The following TSPAN4 variants were observed in gnomAD, a reference collection of about 807,000 sequenced individuals.
TSPAN4 encodes the protein tetraspanin-4.
TSPAN4 carries 38 observed loss-of-function variants against 31.5 expected under a neutral mutation model. The observed-to-expected ratio is 1.21, with a 90% CI of 0.93 to 1.58. TSPAN4 has a LOEUF of 1.58. Among genes scored for constraint, TSPAN4 ranks in the 40% most tolerant of loss-of-function variants. The pLI is 0.00. For missense variants in TSPAN4, 330 were observed against 317.3 expected (o/e 1.04, Z -0.30); for synonymous variants, 186 against 144.6 (o/e 1.29, Z -2.06).
chr11:862,298 C>T, intron 3 of TSPAN4: 1 of 535,622 alleles, frequency 1.9e-6, no homozygotes, highest in Non-Finnish European at 3.3e-6. Flanking sequence ...TTCAGAGGCA[C>T]AAGGGAGCCT....
Position 865,358 on chromosome 11 carries a change from T to A in TSPAN4, c.331-155T>A. ...GGGCCTCAGGGCTGCTGGGAGGACA[T>A]GGGGCCGGTGTGTCTGCAGCTTGGT... On this transcript the variant is annotated intron_variant, in intron 5 of 8. Coordinates refer to ENST00000397397, the MANE Select transcript of TSPAN4 (RefSeq NM_003271.5). 4 of 625,836 alleles carry A rather than the reference T, an allele frequency of 6.4e-6. No individual in the cohort carries two copies. In the South Asian group the frequency reaches 7.8e-5, roughly 12 times the overall value. The allele number at this position is 625,836 out of a possible 1,614,324, so 38.8% of individuals were successfully genotyped here.
intron 3 of TSPAN4, among the ~76,000 whole-genome samples, chr11:860,135 GGA>G (rs2134046187): frequency 6.6e-6 from 1 of 152,340 alleles, no homozygotes; most frequent in Non-Finnish European, 1.5e-5. Context: ...AACTTTAAGC[GGA>G]GATGCTACCT....
intron 3 of TSPAN4, among the ~76,000 whole-genome samples, chr11:850,834 G>C (rs1847646447): frequency 1.3e-5 from 2 of 152,242 alleles, no homozygotes; most frequent in Non-Finnish European, 2.9e-5. Context: ...GCGACCTGTC[G>C]GGCCCAGGGA....
Position 865,616 on chromosome 11 carries a change from T to G in TSPAN4, c.432+2T>G. On this transcript the variant is annotated splice_donor_variant, in intron 6 of 8. Transcript: ENST00000397397. LOFTEE classifies it high-confidence loss of function. ...GCCTGGAGCATCATCCAGACCGACGTGAGGCGTGGGCAGGTGGGCGGGGTC... is the reference window on the plus strand; with the variant it reads ...GCCTGGAGCATCATCCAGACCGACGGGAGGCGTGGGCAGGTGGGCGGGGTC... The G allele has an allele frequency of 8.1e-6, 13 of 1,612,842 alleles. No individual in the cohort carries two copies. Among genetic ancestry groups the G allele is most frequent in the Non-Finnish European group, 1.1e-5 (13 of 1,179,858 alleles).
chr11:864,614 G>A, intron 5 of TSPAN4, 103 bp downstream of exon 5: 1 of 1,462,978 alleles, frequency 6.8e-7, no homozygotes, highest in Non-Finnish European at 9.5e-7. Flanking sequence ...CCCTGCATGT[G>A]CCCTCACGGG....
chr11:862,392 C>A, intron 3 of TSPAN4, 158 bp from the exon 4 acceptor site: 1 of 648,102 alleles, frequency 1.5e-6, no homozygotes, highest in East Asian at 2.9e-5. Context: ...CCTGGACACC[C>A]CCCCGGGCTG....
rs143659084 is a variant in TSPAN4, at chr11:862,615, G to A, written c.129G>A (p.Thr43=). Reference sequence around the variant, plus strand: ...CCGCCACACAGGGGAGCTTCGCCACGCTGTCCTCTTCCTTCCCGTCCCTGT... The same window carrying A: ...CCGCCACACAGGGGAGCTTCGCCACACTGTCCTCTTCCTTCCCGTCCCTGT... ...WLAATQGSFA[T]LSSSFPSLSA... Residue 43 remains threonine (T), a synonymous_variant, in exon 4 of 9, where the codon ACG becomes ACA. Transcript: ENST00000397397. The A allele has an allele frequency of 5.6e-5, 90 of 1,613,128 alleles. No individual in the cohort carries two copies. In the African/African-American group the frequency reaches 8.0e-4, roughly 14 times the overall value.
At position 848,770 on chromosome 11, in the gene TSPAN4, A is replaced by G. The variant is rs1399970755; in HGVS notation, c.-18+1470A>G. 1 of 533,826 alleles carries G rather than the reference A, an allele frequency of 1.9e-6. No homozygotes were observed. Among genetic ancestry groups the G allele is most frequent in the Non-Finnish European group, 3.4e-6 (1 of 295,264 alleles). The allele number at this position is 533,826 out of a possible 1,614,324, so 33.1% of individuals were successfully genotyped here. A position where few individuals can be genotyped will look rare whatever the true frequency, so the allele number is the denominator to read the frequency against. On this transcript the variant is annotated intron_variant, in intron 2 of 8. Coordinates refer to ENST00000397397, the MANE Select transcript of TSPAN4 (RefSeq NM_003271.5). This position sits in a 1 kb window ranked among gnomAD's most constrained non-coding sequence, Gnocchi z 5.7. Reference sequence around the variant, plus strand: ...GGCCACGTGCTGATATCTTCCCAACACCGCAGGGCCCTTGTGCCCTGTGGT... The same window carrying G: ...GGCCACGTGCTGATATCTTCCCAACGCCGCAGGGCCCTTGTGCCCTGTGGT...
rs1323616195 is a variant in TSPAN4 at position 848,888 on chromosome 11, G to A, written c.-17-1400G>A. ...GGCTGTGGGAGGTGTGTGCGCATCC[G>A]GCGTGATGACACCCAGGAGTGCAGG... On this transcript the variant is annotated intron_variant, in intron 2 of 8. Transcript: ENST00000397397. The surrounding 1 kb of genome is among the most constrained non-coding windows in gnomAD (Gnocchi z 5.7). The A allele has an allele frequency of 5.2e-5, 37 of 712,374 alleles. No homozygotes were observed. The highest frequency in any genetic ancestry group is 1.6e-4 in the East Asian group (6 of 37,048). 44.1% of individuals were successfully genotyped at this position (712,374 alleles called of 1,614,324 possible).
At chr11:859,090 TCA>T (rs1362189297) in intron 3 of TSPAN4, among the ~76,000 whole-genome samples, 3 of 78,174 alleles carry the variant, frequency 3.8e-5, no homozygotes, top group Non-Finnish European at 7.4e-5. Flanking sequence ...GCACCCCGGC[TCA>T]CACGCACCCC....
intron 4 of TSPAN4, chr11:863,037 GCA>G (rs1848559881): frequency 2.8e-6 from 1 of 356,088 alleles, no homozygotes; most frequent in Non-Finnish European, 5.1e-6. Flanking sequence ...GCACAGCCCC[GCA>G]CACACGTACA....
chr11:852,960 C>A (rs780041760), intron 3 of TSPAN4, among the ~76,000 whole-genome samples: 7 of 152,140 alleles, frequency 4.6e-5, no homozygotes, highest in Non-Finnish European at 8.8e-5. Flanking sequence ...CCCCAGTGGG[C>A]AGCCAGTGAC....
At chr11:850,432 G>A in intron 3 of TSPAN4, 65 bp downstream of exon 3, 1 of 1,444,698 alleles carries the variant, frequency 6.9e-7, no homozygotes, top group South Asian at 1.2e-5. Context: ...GCGGGTCGCG[G>A]GGTCTGGGGA....
At position 862,688 on chromosome 11, in the gene TSPAN4, G is replaced by A. The variant is rs200112115; in HGVS notation, c.202G>A (p.Gly68Ser). The change falls in exon 4 of 9, where the codon GGC becomes AGC. Residue 68 changes from glycine to serine, a missense_variant. Physicochemically the swap from Gly to Ser is moderately conservative, Grantham distance 56. Transcript: ENST00000397397. Reference protein sequence around the residue: ...IITGAFVMAIGFVGCLGAIKE... With the variant: ...IITGAFVMAISFVGCLGAIKE... Reference sequence around the variant, plus strand: ...CACCGGCGCCTTTGTCATGGCCATCGGCTTCGTGGGCTGCCTGGGTGCCAT... The same window carrying A: ...CACCGGCGCCTTTGTCATGGCCATCAGCTTCGTGGGCTGCCTGGGTGCCAT... 28 of 1,613,104 alleles carry A rather than the reference G, an allele frequency of 1.7e-5. No individual in the cohort carries two copies. The Admixed American group carries it at 3.2e-4, about 18-fold the overall frequency.
chr11:862,864 T>A, intron 4 of TSPAN4, 123 bp downstream of exon 4: 1 of 1,092,282 alleles, frequency 9.2e-7, no homozygotes. Context: ...GGGCCGGACC[T>A]CCAGGCTGGC....
chr11:846,173 G>A (rs938585820), intron 1 of TSPAN4, among the ~76,000 whole-genome samples: 4 of 152,222 alleles, frequency 2.6e-5, no homozygotes, highest in Admixed American at 1.3e-4. Flanking sequence ...TGGAGACCCC[G>A]AGGTCTGGGC....
chr11:851,066 T>TGG (rs1327333434), intron 3 of TSPAN4, among the ~76,000 whole-genome samples: 2 of 152,156 alleles, frequency 1.3e-5, no homozygotes, highest in East Asian at 3.9e-4. Context: ...CCCTGTGTGC[T>TGG]GGATGGAGCA....
At chr11:845,820 C>T (rs1590220504) in intron 1 of TSPAN4, among the ~76,000 whole-genome samples, 1 of 152,150 alleles carries the variant, frequency 6.6e-6, no homozygotes, top group Non-Finnish European at 1.5e-5. Flanking sequence ...TGTCCCTCCC[C>T]TGGGGCTGCT....
chr11:853,313 C>T (rs1847859258), intron 3 of TSPAN4, among the ~76,000 whole-genome samples: 1 of 152,178 alleles, frequency 6.6e-6, no homozygotes, highest in African/African-American at 2.4e-5. Context: ...AATGCAGACC[C>T]TCCAAGGCCC....
Sources: allele counts gnomAD v4.1 joint callset (sites outside exome capture counted in the v4.1 genomes callset), GRCh38; gene constraint gnomAD v4.1.1; non-coding constraint Gnocchi (gnomAD v3.1); transcripts MANE v1.5; gene names NCBI Gene and HGNC (gene_info 2026-07-23, HGNC 2026-07-21).